The following EPHB1 variants were observed in gnomAD, a reference collection of about 807,000 sequenced individuals.
EPHB1 encodes ephrin type-B receptor 1.
A neutral mutation model predicts 94.4 loss-of-function variants in EPHB1; 30 were observed. The observed-to-expected ratio is 0.32, with a 90% CI of 0.24 to 0.43. EPHB1 has a LOEUF of 0.43. Among genes scored for constraint, EPHB1 ranks in the 20% least tolerant of loss-of-function variants. The pLI, the probability that EPHB1 is intolerant of heterozygous loss-of-function variation, is 1.00. For synonymous variants in EPHB1, 522 were observed against 489.1 expected (o/e 1.07, Z -0.89); for missense variants, 1,055 against 1,308.3 (o/e 0.81, Z 2.99).
chr3:135,086,462 C>G (rs141766884), intron 3 of EPHB1, among the ~76,000 whole-genome samples: 4,619 of 151,664 alleles, frequency 0.03, 107 homozygotes, highest in Middle Eastern at 0.082. Flanking sequence ...CTCACAAACA[C>G]AAAGTCTTCT....
intron 12 of EPHB1, among the ~76,000 whole-genome samples, chr3:135,202,233 C>A (rs1484805919): frequency 6.6e-6 from 1 of 152,214 alleles, no homozygotes; most frequent in East Asian, 1.9e-4. Context: ...CTATATCCAA[C>A]TGCCTAGTTC....
intron 12 of EPHB1, among the ~76,000 whole-genome samples, chr3:135,236,799 G>A (rs1373182189): frequency 1.3e-5 from 2 of 152,196 alleles, no homozygotes; most frequent in Non-Finnish European, 2.9e-5. Context: ...TCTCACACAA[G>A]ATGGTGGAGA....
chr3:134,986,711 A>ACACAC (rs138369571), intron 3 of EPHB1, among the ~76,000 whole-genome samples: 2 of 145,628 alleles, frequency 1.4e-5, no homozygotes, highest in African/African-American at 2.5e-5. Context: ...TAAAGATATT[A>ACACAC]ACACACACAC....
intron 4 of EPHB1, among the ~76,000 whole-genome samples, chr3:135,121,063 A>G (rs964953439): frequency 1.3e-5 from 2 of 152,230 alleles, no homozygotes; most frequent in Admixed American, 6.5e-5. Flanking sequence ...TGTAAAAGAA[A>G]CACCTTAGAA....
intron 3 of EPHB1, among the ~76,000 whole-genome samples, chr3:135,066,976 C>A (rs932359960): frequency 6.6e-6 from 1 of 152,082 alleles, no homozygotes; most frequent in Non-Finnish European, 1.5e-5. Flanking sequence ...GTCTAGACAC[C>A]CAGCAAGTCT....
chr3:134,902,191 G>A (rs758923350), intron 1 of EPHB1, among the ~76,000 whole-genome samples: 5 of 152,164 alleles, frequency 3.3e-5, no homozygotes, highest in Non-Finnish European at 7.3e-5. Context: ...GGAGAGAGGG[G>A]GCTGTGGCTG....
intron 2 of EPHB1, among the ~76,000 whole-genome samples, chr3:134,930,773 C>T (rs2038890669): frequency 6.6e-6 from 1 of 152,220 alleles, no homozygotes; most frequent in African/African-American, 2.4e-5. Flanking sequence ...TTGTTCTCAG[C>T]CCCACTGGGA....
chr3:135,155,376 C>A (rs1203920049), intron 6 of EPHB1, among the ~76,000 whole-genome samples: 1 of 151,974 alleles, frequency 6.6e-6, no homozygotes, highest in African/African-American at 2.4e-5. Flanking sequence ...ACAGCCTATG[C>A]AAAGGTCCTG....
At chr3:135,047,388 T>TA (rs1160696361) in intron 3 of EPHB1, among the ~76,000 whole-genome samples, 4 of 152,210 alleles carry the variant, frequency 2.6e-5, no homozygotes, top group Non-Finnish European at 4.4e-5. Flanking sequence ...CCCAGTGTCA[T>TA]ACTCTCCAGC....
At chr3:135,170,741 G>A (rs978644995) in intron 9 of EPHB1, among the ~76,000 whole-genome samples, 1 of 152,158 alleles carries the variant, frequency 6.6e-6, no homozygotes, top group African/African-American at 2.4e-5. Flanking sequence ...GAATCTAAAA[G>A]GTGTTTACAA....
At chr3:135,020,703 G>A (rs966443144) in intron 3 of EPHB1, among the ~76,000 whole-genome samples, 25 of 152,102 alleles carry the variant, frequency 1.6e-4, no homozygotes, top group African/African-American at 6.0e-4. Context: ...CCTATTCTCC[G>A]AGGTTAGGTG....
chr3:135,211,294 G>A (rs4894317), intron 12 of EPHB1, among the ~76,000 whole-genome samples: 40,623 of 151,968 alleles, frequency 0.27, 5,709 homozygotes, highest in East Asian at 0.52. Context: ...CAAAGACAAT[G>A]TTACAATTTT....
At chr3:135,065,439 C>T (rs1490943522) in intron 3 of EPHB1, among the ~76,000 whole-genome samples, 1 of 152,088 alleles carries the variant, frequency 6.6e-6, no homozygotes, top group Non-Finnish European at 1.5e-5. Flanking sequence ...TGGACAAGGC[C>T]TTTTACCATT....
At chr3:135,050,940 GTGTGTGTT>G (rs1937152413) in intron 3 of EPHB1, among the ~76,000 whole-genome samples, 1 of 151,680 alleles carries the variant, frequency 6.6e-6, no homozygotes, top group Non-Finnish European at 1.5e-5. Flanking sequence ...GTGTGTGTGT[GTGTGTGTT>G]TAAGAACGGA....
intron 1 of EPHB1, among the ~76,000 whole-genome samples, chr3:134,919,845 T>A (rs868784298): frequency 7.3e-6 from 1 of 136,828 alleles, no homozygotes; most frequent in Admixed American, 7.2e-5. Flanking sequence ...GGCAGGGGTG[T>A]GTGTGTGTGT....
intron 1 of EPHB1, among the ~76,000 whole-genome samples, chr3:134,892,425 C>G (rs2038003701): frequency 6.6e-6 from 1 of 152,236 alleles, no homozygotes; most frequent in African/African-American, 2.4e-5. Flanking sequence ...TGCATACTTG[C>G]AGCAGGGGTA....
chr3:134,955,398 G>T (rs368466828), intron 3 of EPHB1, among the ~76,000 whole-genome samples: 1 of 71,962 alleles, frequency 1.4e-5, no homozygotes. Context: ...GAGAATGATG[G>T]TTTCCAATTT....
Position 134,795,442 on chromosome 3 carries a change from C to G in EPHB1, c.-190C>G, listed in dbSNP as rs1404702171. 1.2e-5 allele frequency: 7 copies of G among 577,706 alleles called. No individual in the cohort carries two copies. Among genetic ancestry groups the G allele is most frequent in the Admixed American group, 3.5e-5 (1 of 28,808 alleles). The allele number at this position is 577,706 out of a possible 1,614,324, so 35.8% of individuals were successfully genotyped here. ...ACACATGCACACCCACACCCACGCG[C>G]GCCCGCACCGCCCCACGCGCACACA... is the stretch of plus-strand genomic sequence containing the variant. On this transcript the variant is annotated 5_prime_UTR_variant, in exon 1 of 16. Transcript: ENST00000398015.
intron 1 of EPHB1, among the ~76,000 whole-genome samples, chr3:134,835,299 C>T (rs962674593): frequency 6.6e-6 from 1 of 152,204 alleles, no homozygotes; most frequent in South Asian, 2.1e-4. Flanking sequence ...GGAGTCAGAA[C>T]ACTGGAGACC....
Sources: allele counts gnomAD v4.1 joint callset (sites outside exome capture counted in the v4.1 genomes callset), GRCh38; gene constraint gnomAD v4.1.1; transcripts MANE v1.5; gene names NCBI Gene and HGNC (gene_info 2026-07-23, HGNC 2026-07-21).